The following MAF variants were observed in gnomAD, a reference collection of about 807,000 sequenced individuals.
MAF encodes the protein MAF bZIP transcription factor.
A neutral mutation model predicts 22.0 loss-of-function variants in MAF; 10 were observed. That is an observed-to-expected ratio of 0.45 (90% CI 0.28 to 0.77). The LOEUF (loss-of-function observed/expected upper bound fraction) is 0.77. Among genes scored for constraint, MAF ranks in the 30% least tolerant of loss-of-function variants. The pLI, the probability that MAF is intolerant of heterozygous loss-of-function variation, is 0.12. For synonymous variants in MAF, 337 were observed against 255.8 expected (o/e 1.32, Z -3.03); for missense variants, 544 against 548.4 (o/e 0.99, Z 0.08).
the MAF span, among the ~76,000 whole-genome samples, chr16:79,496,692 T>A: frequency 2.0e-5 from 3 of 152,224 alleles, no homozygotes; most frequent in Non-Finnish European, 2.9e-5. Context: ...GATGGCAGGA[T>A]CTAGAGATGC....
the MAF span, among the ~76,000 whole-genome samples, chr16:79,366,780 G>A: frequency 1.3e-5 from 2 of 152,218 alleles, no homozygotes; most frequent in Non-Finnish European, 2.9e-5. Flanking sequence ...TCCATGATCA[G>A]AGCAAGAAAT....
At chr16:79,339,687 TA>T in the MAF span, among the ~76,000 whole-genome samples, 1 of 152,228 alleles carries the variant, frequency 6.6e-6, no homozygotes, top group East Asian at 1.9e-4. Flanking sequence ...TGTTTGTTGT[TA>T]GTGTAATAAA....
At chr16:79,346,296 G>A in the MAF span, among the ~76,000 whole-genome samples, 57 of 151,734 alleles carry the variant, frequency 3.8e-4, 1 homozygote, top group African/African-American at 1.2e-3. Flanking sequence ...CTGTCCTTGC[G>A]ATAGTTTGCT....
At chr16:79,522,529 G>A in the MAF span, among the ~76,000 whole-genome samples, 5 of 152,168 alleles carry the variant, frequency 3.3e-5, no homozygotes, top group South Asian at 2.1e-4. Context: ...TCCTGTAGCC[G>A]GCACAGGGTA....
the MAF span, among the ~76,000 whole-genome samples, chr16:79,524,007 A>T: frequency 2.6e-5 from 4 of 152,348 alleles, no homozygotes; most frequent in East Asian, 7.7e-4. Flanking sequence ...GCCATCCAGT[A>T]TAAATAGACA....
rs5818250 is a variant in MAF, at chr16:79,598,581, GGTGTGTGTGTGTGTGTGTGT to G, written c.1118+184_1118+203del. On this transcript the variant is annotated intron_variant, in intron 1 of 1. Transcript: ENST00000326043. Reference sequence around the variant, plus strand: ...CACCACAAACTCGAGCAGGGTGTGGGGTGTGTGTGTGTGTGTGTGTGTGTGTGTGGTGTGTGCGTGCGGGT... The same window carrying G: ...CACCACAAACTCGAGCAGGGTGTGGGGTGTGTGTGGTGTGTGCGTGCGGGT... 2.8e-6 allele frequency: 4 copies of G among 1,410,580 alleles called. No individual in the cohort carries two copies. In the African/African-American group the frequency reaches 4.6e-5, roughly 16 times the overall value. The allele number at this position is 1,410,580 out of a possible 1,614,324, so 87.4% of individuals were successfully genotyped here.
At chr16:79,225,665 TAAAC>T in the MAF span, among the ~76,000 whole-genome samples, 35 of 151,968 alleles carry the variant, frequency 2.3e-4, 1 homozygote, top group African/African-American at 8.4e-4. Context: ...ACAAAGAACT[TAAAC>T]AAATTTACAA....
chr16:79,429,518 C>G, the MAF span, among the ~76,000 whole-genome samples: 2 of 152,134 alleles, frequency 1.3e-5, no homozygotes, highest in Non-Finnish European at 2.9e-5. Flanking sequence ...GCAGTCATTT[C>G]CAAAGGAAGC....
chr16:79,230,900 G>A, the MAF span, among the ~76,000 whole-genome samples: 1 of 151,966 alleles, frequency 6.6e-6, no homozygotes, highest in East Asian at 1.9e-4. Flanking sequence ...TTCTTTTTCT[G>A]ATCCTACGGG....
chr16:79,404,705 G>A, the MAF span, among the ~76,000 whole-genome samples: 2 of 151,890 alleles, frequency 1.3e-5, no homozygotes, highest in Admixed American at 6.6e-5. Flanking sequence ...CGTCTCCCCA[G>A]TGGATGACAG....
the MAF span, among the ~76,000 whole-genome samples, chr16:79,574,051 T>C: frequency 6.6e-6 from 1 of 152,236 alleles, no homozygotes; most frequent in African/African-American, 2.4e-5. Context: ...TACAGGGCTG[T>C]GTTGGACACA....
At chr16:79,364,630 C>A in the MAF span, among the ~76,000 whole-genome samples, 1 of 152,300 alleles carries the variant, frequency 6.6e-6, no homozygotes, top group African/African-American at 2.4e-5. Flanking sequence ...AGCATGCTCC[C>A]AATTGAACAG....
the MAF span, among the ~76,000 whole-genome samples, chr16:79,207,162 G>A: frequency 5.3e-5 from 8 of 152,278 alleles, no homozygotes; most frequent in South Asian, 6.2e-4. Context: ...CATCTCCACC[G>A]CAGCAGCTCT....
intron 1 of MAF, 171 bp from the exon 2 acceptor site, chr16:79,594,724 A>G (rs1913411819): frequency 7.2e-7 from 1 of 1,389,666 alleles, no homozygotes; most frequent in African/African-American, 1.5e-5. Context: ...AAAAAAAAAC[A>G]TGTATTTGTT....
the MAF span, among the ~76,000 whole-genome samples, chr16:79,411,858 C>T: frequency 0.37 from 55,932 of 152,024 alleles, 12,277 homozygotes; most frequent in East Asian, 0.85. Context: ...CAGGCAACCT[C>T]GGCACTCATT....
At chr16:79,213,725 A>T in the MAF span, among the ~76,000 whole-genome samples, 2 of 152,216 alleles carry the variant, frequency 1.3e-5, no homozygotes, top group African/African-American at 4.8e-5. Context: ...GCCATCCCAG[A>T]CTATCCAGCC....
chr16:79,462,737 G>T, the MAF span, among the ~76,000 whole-genome samples: 1 of 152,148 alleles, frequency 6.6e-6, no homozygotes, highest in Non-Finnish European at 1.5e-5. Flanking sequence ...CATGCTCTCT[G>T]GCCTTTGGAC....
At chr16:79,586,420 C>T (rs1912846629) in intron 1 of MAF, among the ~76,000 whole-genome samples, 1 of 152,194 alleles carries the variant, frequency 6.6e-6, no homozygotes, top group Admixed American at 6.5e-5. Flanking sequence ...CCCCCACCTC[C>T]TCTGTTGCTT....
the MAF span, among the ~76,000 whole-genome samples, chr16:79,361,528 T>G: frequency 6.6e-6 from 1 of 152,180 alleles, no homozygotes; most frequent in Non-Finnish European, 1.5e-5. Context: ...CGGATCTCTA[T>G]CTGGGTGAGC....
Sources: gnomAD v4.1 joint callset for allele counts (sites outside exome capture counted in the v4.1 genomes callset) on GRCh38, gnomAD v4.1.1 for gene constraint, MANE v1.5 for transcripts, NCBI Gene and HGNC (gene_info 2026-07-23, HGNC 2026-07-21) for gene names.